The following PTBP3 variants were observed in gnomAD, a reference collection of about 807,000 sequenced individuals.
PTBP3 encodes the protein polypyrimidine tract-binding protein 3.
A neutral mutation model predicts 58.7 loss-of-function variants in PTBP3; 20 were observed. The ratio of observed to expected loss-of-function variants is 0.34; its 90% CI spans 0.24 to 0.50. The LOEUF (loss-of-function observed/expected upper bound fraction) is 0.50. Among genes scored for constraint, PTBP3 ranks in the 20% least tolerant of loss-of-function variants. The pLI is 0.98. For synonymous variants in PTBP3, 185 were observed against 219.8 expected, an observed-to-expected ratio of 0.84 and a Z score of 1.40; for missense variants, 509 against 637.2, an observed-to-expected ratio of 0.80 and a Z score of 2.17.
Position 112,333,616 on chromosome 9 carries a change from G to T in PTBP3, c.-198C>A, listed in dbSNP as rs2132508498. 9.9e-7 allele frequency: 1 copy of T among 1,009,240 alleles called. No homozygotes were observed. Among genetic ancestry groups the T allele is most frequent in the East Asian group, 3.0e-5 (1 of 33,498 alleles). The allele number at this position is 1,009,240 out of a possible 1,614,324, so 62.5% of individuals were successfully genotyped here. A position where few individuals can be genotyped will look rare whatever the true frequency, so the allele number is the denominator to read the frequency against. On this transcript the variant is annotated 5_prime_UTR_variant, in exon 1 of 14. Coordinates refer to ENST00000374257, the MANE Select transcript of PTBP3 (RefSeq NM_001163788.4). Reference sequence around the variant, plus strand: ...CCCCGGCCGGTCCGAGGTGGAAGGAGAGTGGGAACAGGGGCGGGGACCGGG... The same window carrying T: ...CCCCGGCCGGTCCGAGGTGGAAGGATAGTGGGAACAGGGGCGGGGACCGGG...
intron 1 of PTBP3, among the ~76,000 whole-genome samples, chr9:112,314,389 C>A (rs1412320243): frequency 6.6e-6 from 1 of 152,160 alleles, no homozygotes; most frequent in Non-Finnish European, 1.5e-5. Context: ...AGCTTCAAAA[C>A]ACGTAAAGCA....
At chr9:112,235,269 T>A (rs1052561523) in intron 7 of PTBP3, among the ~76,000 whole-genome samples, 3 of 152,158 alleles carry the variant, frequency 2.0e-5, no homozygotes, top group African/African-American at 7.2e-5. Flanking sequence ...AATCCTTGCC[T>A]TTGAGAGGCT....
the PTBP3 span, among the ~76,000 whole-genome samples, chr9:112,375,447 G>C: frequency 6.6e-6 from 1 of 152,284 alleles, no homozygotes; most frequent in South Asian, 2.1e-4. Flanking sequence ...CCTAGAAAGG[G>C]GCTGTAGTGC....
chr9:112,248,746 A>G (rs1835984901), intron 7 of PTBP3, among the ~76,000 whole-genome samples: 1 of 152,216 alleles, frequency 6.6e-6, no homozygotes, highest in Non-Finnish European at 1.5e-5. Flanking sequence ...AACTGAAGAA[A>G]TATGTTCTCT....
intron 3 of PTBP3, among the ~76,000 whole-genome samples, chr9:112,274,193 T>C (rs1222161008): frequency 6.6e-6 from 1 of 152,248 alleles, no homozygotes; most frequent in Non-Finnish European, 1.5e-5. Context: ...CAGATCTTAG[T>C]AACCTCATGT....
chr9:112,315,461 G>A, intron 1 of PTBP3, among the ~76,000 whole-genome samples: 1 of 152,066 alleles, frequency 6.6e-6, no homozygotes, highest in East Asian at 1.9e-4. Flanking sequence ...AAAGTTGTGG[G>A]ATGCAGCTAA....
At chr9:112,225,220 T>C (rs1218714375) in intron 12 of PTBP3, among the ~76,000 whole-genome samples, 1 of 152,232 alleles carries the variant, frequency 6.6e-6, no homozygotes, top group Non-Finnish European at 1.5e-5. Context: ...AGAACAATCA[T>C]TAGCTCTGTA....
chr9:112,364,177 C>CT, the PTBP3 span, among the ~76,000 whole-genome samples: 590 of 73,534 alleles, frequency 8.0e-3, 67 homozygotes, highest in Non-Finnish European at 0.012. Flanking sequence ...TAGGTCAGTT[C>CT]TTTTTTTTTT....
chr9:112,333,424 G>C, intron 1 of PTBP3, 46 bp downstream of exon 1: 1 of 1,560,074 alleles, frequency 6.4e-7, no homozygotes, highest in Admixed American at 1.8e-5. Context: ...GGGTGGAAGC[G>C]GCGCCAAGGC....
At chr9:112,373,520 G>T in the PTBP3 span, among the ~76,000 whole-genome samples, 1 of 152,154 alleles carries the variant, frequency 6.6e-6, no homozygotes, top group Middle Eastern at 3.4e-3. Flanking sequence ...CAGACACACC[G>T]AGGATCAATA....
intron 2 of PTBP3, among the ~76,000 whole-genome samples, chr9:112,288,334 T>C (rs760116002): frequency 1.3e-5 from 2 of 152,216 alleles, no homozygotes; most frequent in African/African-American, 2.4e-5. Context: ...GCATATGTAC[T>C]GTGCATATGT....
At chr9:112,240,230 CTTAAT>C (rs1835601801) in intron 7 of PTBP3, among the ~76,000 whole-genome samples, 2 of 152,060 alleles carry the variant, frequency 1.3e-5, no homozygotes, top group Non-Finnish European at 2.9e-5. Flanking sequence ...AATGATTTGA[CTTAAT>C]TTATTTTCTA....
chr9:112,311,200 T>G (rs541952961), intron 1 of PTBP3, among the ~76,000 whole-genome samples: 16 of 152,164 alleles, frequency 1.1e-4, no homozygotes, highest in African/African-American at 2.9e-4. Flanking sequence ...AAATGTGTTT[T>G]TTTTTTTTTA....
At chr9:112,270,821 ATTTG>A (rs1476357803) in intron 3 of PTBP3, among the ~76,000 whole-genome samples, 1 of 151,800 alleles carries the variant, frequency 6.6e-6, no homozygotes, top group Non-Finnish European at 1.5e-5. Context: ...CTTTTTTTGT[ATTTG>A]TTTGTTTTTT....
the PTBP3 span, among the ~76,000 whole-genome samples, chr9:112,358,115 C>A: frequency 6.6e-6 from 1 of 152,070 alleles, no homozygotes; most frequent in Non-Finnish European, 1.5e-5. Context: ...CAAGACCAGG[C>A]TGGCCAACGT....
Position 112,249,065 on chromosome 9 carries a change from TAATGCTTTAAAGTATTG to T in PTBP3, c.802+1847_802+1863del, listed in dbSNP as rs545136148. 2.2e-3 allele frequency among the ~76,000 whole-genome samples: 338 copies of T among 152,330 alleles called. 2 individuals carry two copies. Among genetic ancestry groups the T allele is most frequent in the African/African-American group, 7.8e-3 (325 of 41,582 alleles). On this transcript the variant is annotated intron_variant, in intron 7 of 13. Transcript: ENST00000374257. The stretch of plus-strand genomic sequence containing the variant: ...TCTAAATACAGCTTTAAAATTTTTC[TAATGCTTTAAAGTATTG>T]AATGCTTTAAAAAATTTTTAAGTTG...
At chr9:112,318,405 T>C (rs541099489) in intron 1 of PTBP3, among the ~76,000 whole-genome samples, 14 of 152,314 alleles carry the variant, frequency 9.2e-5, no homozygotes, top group African/African-American at 3.1e-4. Flanking sequence ...ATGGCATACA[T>C]GTGCAAAACC....
At chr9:112,320,164 G>C (rs537523872) in intron 1 of PTBP3, among the ~76,000 whole-genome samples, 1 of 151,364 alleles carries the variant, frequency 6.6e-6, no homozygotes, top group South Asian at 2.1e-4. Context: ...TATAGGCCTA[G>C]CTACTCAGGA....
chr9:112,308,759 T>C (rs971462881), intron 1 of PTBP3, among the ~76,000 whole-genome samples: 1 of 151,936 alleles, frequency 6.6e-6, no homozygotes, highest in Admixed American at 6.6e-5. Flanking sequence ...CAAACAACAC[T>C]GTGTGTTTCT....
Sources: allele counts gnomAD v4.1 joint callset (sites outside exome capture counted in the v4.1 genomes callset), GRCh38; gene constraint gnomAD v4.1.1; transcripts MANE v1.5; gene names NCBI Gene and HGNC (gene_info 2026-07-23, HGNC 2026-07-21).